Variants in VPS13A observed in about 807,000 individuals in gnomAD.
VPS13A encodes the protein vacuolar protein sorting 13 homolog A, also known as intermembrane lipid transfer protein VPS13A.
In VPS13A, 264 loss-of-function variants were observed where a neutral mutation model predicts 390.9. That is an observed-to-expected ratio of 0.68 (90% CI 0.61 to 0.75). VPS13A has a LOEUF of 0.75. VPS13A is among the 30% of genes least tolerant of loss of function. VPS13A has a pLI of 0.00. For synonymous variants in VPS13A, 1,231 were observed against 1,227.1 expected (o/e 1.00, Z -0.07); for missense variants, 3,409 against 3,733.9 (o/e 0.91, Z 2.27).
At chr9:77,363,025 C>T (rs58139137) in intron 59 of VPS13A, among the ~76,000 whole-genome samples, 1 of 151,926 alleles carries the variant, frequency 6.6e-6, no homozygotes, top group Admixed American at 6.6e-5. Flanking sequence ...TTTGGGATTT[C>T]TATACATAAG....
chr9:77,249,948 G>A (rs544942186), intron 20 of VPS13A, 149 bp from the exon 21 acceptor site: 40 of 781,258 alleles, frequency 5.1e-5, no homozygotes, highest in Non-Finnish European at 7.3e-5. Context: ...ATATCTCATC[G>A]ATGAGGACCT....
intron 71 of VPS13A, among the ~76,000 whole-genome samples, chr9:77,412,755 C>G (rs895703991): frequency 1.8e-4 from 27 of 152,074 alleles, no homozygotes; most frequent in Non-Finnish European, 3.2e-4. Context: ...CCAGGGCAAT[C>G]AGGCAGGAGA....
At chr9:77,195,764 C>CTTTATTTTTATT (rs59803076) in intron 1 of VPS13A, among the ~76,000 whole-genome samples, 18 of 151,932 alleles carry the variant, frequency 1.2e-4, no homozygotes, top group Admixed American at 6.6e-4. Context: ...AAAACGAATG[C>CTTTATTTTTATT]TTTATTTTTA....
intron 34 of VPS13A, among the ~76,000 whole-genome samples, chr9:77,304,539 C>T (rs1828600601): frequency 6.6e-6 from 1 of 152,052 alleles, no homozygotes; most frequent in Non-Finnish European, 1.5e-5. Context: ...GTTAGAAATA[C>T]TAATTTTGGT....
intron 45 of VPS13A, among the ~76,000 whole-genome samples, chr9:77,328,000 C>T (rs1027149622): frequency 2.0e-5 from 3 of 152,134 alleles, no homozygotes; most frequent in Non-Finnish European, 4.4e-5. Context: ...GAATCACTAT[C>T]TATGGGAGCT....
At chr9:77,358,131 T>G in intron 56 of VPS13A, among the ~76,000 whole-genome samples, 1 of 151,726 alleles carries the variant, frequency 6.6e-6, no homozygotes, top group East Asian at 1.9e-4. Flanking sequence ...AATTTTTGTA[T>G]TTTTAGTAGA....
At chr9:77,318,017 A>G (rs941035600) in intron 40 of VPS13A, among the ~76,000 whole-genome samples, 3 of 151,940 alleles carry the variant, frequency 2.0e-5, no homozygotes, top group African/African-American at 4.8e-5. Flanking sequence ...TCATGGAATA[A>G]TATCTGCAAG....
intron 45 of VPS13A, among the ~76,000 whole-genome samples, chr9:77,330,843 CTCCT>C (rs1469166889): frequency 1.3e-5 from 2 of 151,480 alleles, no homozygotes; most frequent in Non-Finnish European, 2.9e-5. Context: ...TCCACATTCC[CTCCT>C]TCCTTCTTCC....
chr9:77,330,005 G>A (rs1830203693), intron 45 of VPS13A, among the ~76,000 whole-genome samples: 2 of 152,056 alleles, frequency 1.3e-5, no homozygotes, highest in African/African-American at 2.4e-5. Flanking sequence ...CCTGCAACAC[G>A]CTTCTGTTTC....
At chr9:77,291,950 G>C (rs1049149049) in intron 31 of VPS13A, among the ~76,000 whole-genome samples, 1 of 152,230 alleles carries the variant, frequency 6.6e-6, no homozygotes, top group South Asian at 2.1e-4. Context: ...TCTGGCCCCA[G>C]GAGAGTTCTT....
At chr9:77,414,270 C>G (rs1049489496) in intron 71 of VPS13A, among the ~76,000 whole-genome samples, 1 of 152,188 alleles carries the variant, frequency 6.6e-6, no homozygotes, top group African/African-American at 2.4e-5. Context: ...AATCATGCTG[C>G]TATAAAGACA....
chr9:77,239,688 A>C (rs915033937), intron 19 of VPS13A, among the ~76,000 whole-genome samples: 5 of 151,544 alleles, frequency 3.3e-5, no homozygotes, highest in Non-Finnish European at 7.4e-5. Context: ...CTTATTTTTT[A>C]TTTATATCTA....
Position 77,370,119 on chromosome 9 carries a change from A to G in VPS13A, c.8668-138A>G, listed in dbSNP as rs1832665566. 7.5e-6 allele frequency: 7 copies of G among 933,622 alleles called. No individual in the cohort carries two copies. In the Admixed American group the frequency reaches 1.2e-4, roughly 16 times the overall value. The allele number at this position is 933,622 out of a possible 1,614,324, so 57.8% of individuals were successfully genotyped here. A position where few individuals can be genotyped will look rare whatever the true frequency, so the allele number is the denominator to read the frequency against. On this transcript the variant is annotated intron_variant, in intron 63 of 71. Transcript: ENST00000360280. ...TCCCTAGGAATTCTTTTAATGTGAA[A>G]CTTTTTGCTGATATTACTTCCTCTG... is the stretch of plus-strand genomic sequence containing the variant.
At chr9:77,315,872 T>A (rs953147968) in intron 38 of VPS13A, among the ~76,000 whole-genome samples, 2 of 152,070 alleles carry the variant, frequency 1.3e-5, no homozygotes, top group Non-Finnish European at 2.9e-5. Context: ...GTACGGTTTC[T>A]CTATTATCTT....
At chr9:77,326,383 A>C (rs1464511882) in intron 45 of VPS13A, among the ~76,000 whole-genome samples, 1 of 151,954 alleles carries the variant, frequency 6.6e-6, no homozygotes, top group East Asian at 1.9e-4. Flanking sequence ...TACCAGTTAG[A>C]TATACGTTAG....
intron 54 of VPS13A, among the ~76,000 whole-genome samples, chr9:77,354,625 T>C (rs1444596435): frequency 4.6e-5 from 7 of 152,132 alleles, no homozygotes; most frequent in Admixed American, 6.6e-5. Context: ...AAGTAACATA[T>C]GAAAGTGAGA....
At position 77,356,886 on chromosome 9, in the gene VPS13A, G is replaced by C. The variant is rs762373113; in HGVS notation, c.7806+19G>C. On this transcript the variant is annotated intron_variant, in intron 55 of 71. Coordinates refer to ENST00000360280, the MANE Select transcript of VPS13A (RefSeq NM_033305.3). ...TGTTCCGGTAATATTTTTAAGTACT[G>C]ATGTGAAGTTTTAATTTTTTGCCTG... 2 of 1,612,772 alleles carry C rather than the reference G, an allele frequency of 1.2e-6. No homozygotes were observed. Among genetic ancestry groups the C allele is most frequent in the Non-Finnish European group, 1.7e-6 (2 of 1,179,670 alleles).
intron 67 of VPS13A, among the ~76,000 whole-genome samples, chr9:77,372,148 G>A (rs1832808387): frequency 1.3e-5 from 2 of 151,472 alleles, no homozygotes; most frequent in East Asian, 1.9e-4. Context: ...ATGATTTATA[G>A]TCCTTTGGGT....
rs759456831 is a variant in VPS13A, at chr9:77,351,404, G to C, written c.7377G>C (p.Lys2459Asn). Residue 2459 changes from lysine (K) to asparagine (N), a missense_variant, in exon 53 of 72, where the codon AAG (lysine) becomes AAC (asparagine). Physicochemically the swap from Lys to Asn is moderately conservative, Grantham distance 94. Coordinates refer to ENST00000360280, the MANE Select transcript of VPS13A (RefSeq NM_033305.3). ...ATCCGGTGGGCTCTAGAAGGCTGAAGTGGAGATGTAGAAAAAGCCATGGTG... is the reference window on the plus strand; with the variant it reads ...ATCCGGTGGGCTCTAGAAGGCTGAACTGGAGATGTAGAAAAAGCCATGGTG... ...WADPVGSRRL[K>N]WRCRKSHGEV... 1.7e-5 allele frequency: 27 copies of C among 1,613,818 alleles called. No individual in the cohort carries two copies. Among genetic ancestry groups the C allele is most frequent in the Non-Finnish European group, 2.0e-5 (24 of 1,179,900 alleles).
Sources: gnomAD v4.1 joint callset for allele counts (sites outside exome capture counted in the v4.1 genomes callset) on GRCh38, gnomAD v4.1.1 for gene constraint, MANE v1.5 for transcripts, NCBI Gene and HGNC (gene_info 2026-07-23, HGNC 2026-07-21) for gene names.